IMMP1L: variants seen among roughly 807,000 people sequenced by gnomAD.
The protein encoded by IMMP1L is mitochondrial inner membrane protease subunit 1.
Under a neutral mutation model 21.8 loss-of-function variants are expected in IMMP1L, and 24 were observed. The ratio of observed to expected loss-of-function variants is 1.10; its 90% CI spans 0.80 to 1.55. The LOEUF (loss-of-function observed/expected upper bound fraction) is 1.55. IMMP1L is among the 40% of genes most tolerant of loss of function. The probability of loss-of-function intolerance (pLI) is 0.00; values close to 1 mark genes in which losing one functional copy is unlikely to be tolerated. For synonymous variants in IMMP1L, 46 were observed against 62.8 expected, an observed-to-expected ratio of 0.73 and a Z score of 1.26; for missense variants, 195 against 200.7, an observed-to-expected ratio of 0.97 and a Z score of 0.17.
intron 3 of IMMP1L, among the ~76,000 whole-genome samples, chr11:31,459,630 G>A (rs1425820331): frequency 6.6e-6 from 1 of 152,054 alleles, no homozygotes; most frequent in African/African-American, 2.4e-5. Context: ...GTGAGATGGA[G>A]TCTTGCTCTG....
At chr11:31,444,232 CT>C (rs1953438063) in intron 4 of IMMP1L, among the ~76,000 whole-genome samples, 1 of 152,170 alleles carries the variant, frequency 6.6e-6, no homozygotes, top group Non-Finnish European at 1.5e-5. Context: ...TGAAACAAGA[CT>C]CCTGGCACCC....
intron 1 of IMMP1L, chr11:31,473,650 T>C (rs1954639798): frequency 2.0e-6 from 1 of 502,572 alleles, no homozygotes; most frequent in Non-Finnish European, 2.6e-6. Flanking sequence ...GATTCCTCCA[T>C]CTTTAGAAAT....
chr11:31,480,550 A>G (rs1241615742), intron 1 of IMMP1L, among the ~76,000 whole-genome samples: 1 of 152,042 alleles, frequency 6.6e-6, no homozygotes, highest in Non-Finnish European at 1.5e-5. Flanking sequence ...ACTCATTTTA[A>G]AAGTTGCTTT....
At chr11:31,436,261 T>A (rs1377691773) in intron 4 of IMMP1L, among the ~76,000 whole-genome samples, 1 of 152,246 alleles carries the variant, frequency 6.6e-6, no homozygotes, top group Non-Finnish European at 1.5e-5. Flanking sequence ...TTTTAAAAGA[T>A]GATTTTAATT....
intron 3 of IMMP1L, among the ~76,000 whole-genome samples, 199 bp from the exon 4 acceptor site, chr11:31,456,585 T>C (rs1219324474): frequency 6.6e-6 from 1 of 151,616 alleles, no homozygotes; most frequent in Non-Finnish European, 1.5e-5. Flanking sequence ...ACAATAAGAG[T>C]GATAAAAAGG....
chr11:31,457,823 TG>T (rs1953998250), intron 3 of IMMP1L, among the ~76,000 whole-genome samples: 1 of 152,024 alleles, frequency 6.6e-6, no homozygotes, highest in African/African-American at 2.4e-5. Context: ...TTTACAATGA[TG>T]ATCTCTTGAG....
chr11:31,490,140 C>T (rs761240000), intron 1 of IMMP1L, among the ~76,000 whole-genome samples: 6 of 152,086 alleles, frequency 3.9e-5, no homozygotes, highest in South Asian at 2.1e-4. Context: ...ATCAACAGAA[C>T]TTTAGCGCTA....
Position 31,509,185 on chromosome 11 carries a change from T to G in IMMP1L, c.-30+334A>C, listed in dbSNP as rs1955906204. Among the ~76,000 whole-genome samples the G allele has an allele frequency of 1.3e-5, 2 of 152,200 alleles. 1 individual carries two copies. Among genetic ancestry groups the G allele is most frequent in the South Asian group, 4.1e-4 (2 of 4,834 alleles). The stretch of plus-strand genomic sequence containing the variant: ...CCAGATAGCCTCAAAGTTCAAGAGT[T>G]TTCGCTCTAAGGTTTAATTCCAAAC... On this transcript the variant is annotated intron_variant, in intron 1 of 5. Coordinates refer to ENST00000532287, the MANE Select transcript of IMMP1L (RefSeq NM_001304274.2).
In IMMP1L at chr11:31,452,876, A is replaced by G. The variant is rs988361393; in HGVS notation, c.321+3384T>C. 2.0e-5 allele frequency: 13 copies of G among 635,858 alleles called. No individual in the cohort carries two copies. In the African/African-American group the frequency reaches 2.2e-4, roughly 11 times the overall value. The allele number at this position is 635,858 out of a possible 1,614,324, so 39.4% of individuals were successfully genotyped here. A position where few individuals can be genotyped will look rare whatever the true frequency, so the allele number is the denominator to read the frequency against. Reference sequence around the variant, plus strand: ...AGCGATTCTCCTGCCTCAGCCTCCCAAGTAGCTGAGATGACAGGCGCCTGC... The same window carrying G: ...AGCGATTCTCCTGCCTCAGCCTCCCGAGTAGCTGAGATGACAGGCGCCTGC... On this transcript the variant is annotated intron_variant, in intron 4 of 5. Coordinates refer to ENST00000532287, the MANE Select transcript of IMMP1L (RefSeq NM_001304274.2).
chr11:31,465,657 T>C (rs774401323), intron 1 of IMMP1L, among the ~76,000 whole-genome samples: 3 of 152,090 alleles, frequency 2.0e-5, no homozygotes, highest in Non-Finnish European at 4.4e-5. Flanking sequence ...TACAGCCAAC[T>C]GATTTTTGAC....
chr11:31,457,689 G>C (rs1042695519), intron 3 of IMMP1L, among the ~76,000 whole-genome samples: 2 of 152,080 alleles, frequency 1.3e-5, no homozygotes, highest in Admixed American at 6.5e-5. Context: ...CATTTAGCTT[G>C]GGAGGTAAGA....
Position 31,442,253 on chromosome 11 carries a change from T to C in IMMP1L, c.322-8683A>G, listed in dbSNP as rs533441559. Reference sequence around the variant, plus strand: ...ATCAAGCCTCTAGTTCTCAGCTATATTTACTGAGGTCTAGTTAAGTGCCTC... The same window carrying C: ...ATCAAGCCTCTAGTTCTCAGCTATACTTACTGAGGTCTAGTTAAGTGCCTC... On this transcript the variant is annotated intron_variant, in intron 4 of 5. Transcript: ENST00000532287. 7.2e-5 allele frequency among the ~76,000 whole-genome samples: 11 copies of C among 152,280 alleles called. No homozygotes were observed. The South Asian group carries it at 2.3e-3, about 32-fold the overall frequency.
At chr11:31,455,718 T>C (rs1051541391) in intron 4 of IMMP1L, among the ~76,000 whole-genome samples, 1 of 152,188 alleles carries the variant, frequency 6.6e-6, no homozygotes, top group African/African-American at 2.4e-5. Context: ...CTTGACATTT[T>C]TGAAGAGTAT....
chr11:31,462,564 G>A (rs1954189548), intron 2 of IMMP1L, among the ~76,000 whole-genome samples: 1 of 152,092 alleles, frequency 6.6e-6, no homozygotes. Context: ...AAAAGTATTA[G>A]TTGGGGATAG....
intron 2 of IMMP1L, among the ~76,000 whole-genome samples, chr11:31,461,610 C>T (rs954775643): frequency 6.6e-6 from 1 of 152,122 alleles, no homozygotes; most frequent in African/African-American, 2.4e-5. Flanking sequence ...AACATGCAGT[C>T]AAAATTTTTG....
intron 4 of IMMP1L, among the ~76,000 whole-genome samples, chr11:31,440,023 T>G (rs76729819): frequency 7.2e-5 from 11 of 152,192 alleles, no homozygotes; most frequent in Non-Finnish European, 1.3e-4. Flanking sequence ...AATATCTACG[T>G]AGATTTCTGG....
intron 1 of IMMP1L, chr11:31,488,159 T>C (rs1955144485): frequency 2.0e-5 from 3 of 151,976 alleles, no homozygotes; most frequent in Non-Finnish European, 2.9e-5. Context: ...ATTCAATTTT[T>C]AGGGAAGTTG....
chr11:31,506,059 A>G (rs2025084), intron 1 of IMMP1L, among the ~76,000 whole-genome samples: 41,169 of 151,824 alleles, frequency 0.27, 5,859 homozygotes, highest in African/African-American at 0.35. Context: ...CTGTTCAAGG[A>G]TCAACTGTAC....
At chr11:31,488,305 G>C (rs1955148986) in intron 1 of IMMP1L, 1 of 152,126 alleles carries the variant, frequency 6.6e-6, no homozygotes, top group African/African-American at 2.4e-5. Context: ...AGTTGAATTA[G>C]TAGTCTATAC....
Sources: allele counts gnomAD v4.1 joint callset (sites outside exome capture counted in the v4.1 genomes callset), GRCh38; gene constraint gnomAD v4.1.1; transcripts MANE v1.5; gene names NCBI Gene and HGNC (gene_info 2026-07-23, HGNC 2026-07-21).